Variants in SLC10A7 observed in about 807,000 individuals in gnomAD.
SLC10A7 encodes the protein sodium/bile acid cotransporter 7.
SLC10A7 carries 29 observed loss-of-function variants against 43.2 expected under a neutral mutation model. The ratio of observed to expected loss-of-function variants is 0.67; its 90% CI spans 0.50 to 0.92. The LOEUF (loss-of-function observed/expected upper bound fraction) is 0.92, where lower values mean the gene tolerates loss of function less well. SLC10A7 is among the 40% of genes least tolerant of loss of function. The pLI, the probability that SLC10A7 is intolerant of heterozygous loss-of-function variation, is 0.00. For missense variants in SLC10A7, 295 were observed against 403.2 expected, an observed-to-expected ratio of 0.73 and a Z score of 2.30; for synonymous variants, 152 against 144.8, an observed-to-expected ratio of 1.05 and a Z score of -0.35.
rs564683284 is a variant in SLC10A7, at chr4:146,263,431, A to G, written c.848-4594T>C. Among the ~76,000 whole-genome samples the G allele has an allele frequency of 4.6e-5, 7 of 152,342 alleles. 1 individual carries two copies. Among genetic ancestry groups the G allele is most frequent in the African/African-American group, 1.7e-4 (7 of 41,578 alleles). On this transcript the variant is annotated intron_variant, in intron 10 of 11. Coordinates refer to ENST00000335472, the MANE Select transcript of SLC10A7 (RefSeq NM_001029998.6). ...AACTTGTATTTTTCCAGATTCTGTC[A>G]TAAAGTTATTGTGCAGACTATCACT...
At position 146,362,671 on chromosome 4, in the gene SLC10A7, G is replaced by C. The variant is rs1329690356; in HGVS notation, c.436-36675C>G. Among the ~76,000 whole-genome samples, 5 of 145,960 alleles carry C rather than the reference G, an allele frequency of 3.4e-5. No homozygotes were observed. In the South Asian group the frequency reaches 1.2e-3, roughly 35 times the overall value. ...TAATAACTACAACAATTTGATAATAGACAATATAATAAGATATAGAGACAA... is the reference window on the plus strand; with the variant it reads ...TAATAACTACAACAATTTGATAATACACAATATAATAAGATATAGAGACAA... On this transcript the variant is annotated intron_variant, in intron 5 of 11. Transcript: ENST00000335472.
intron 10 of SLC10A7, among the ~76,000 whole-genome samples, chr4:146,260,922 A>G (rs2110987822): frequency 6.6e-6 from 1 of 152,142 alleles, no homozygotes; most frequent in East Asian, 1.9e-4. Context: ...GTGATTTCAA[A>G]TATGTCAAAA....
chr4:146,256,532 G>A lies in SLC10A7; in HGVS notation c.994-12C>T. 1 of 1,613,944 alleles carries A rather than the reference G, an allele frequency of 6.2e-7. No individual in the cohort carries two copies. Among genetic ancestry groups the A allele is most frequent in the Non-Finnish European group, 8.5e-7 (1 of 1,179,876 alleles). On this transcript the variant is annotated splice_polypyrimidine_tract_variant and intron_variant, in intron 11 of 11. Transcript: ENST00000335472. ...GTCAGCTTCACTCCCTACAAGGAAG[G>A]AAAACATGTTCAGAGTTGGACAGTA...
intron 5 of SLC10A7, among the ~76,000 whole-genome samples, chr4:146,335,881 T>C (rs1177476823): frequency 2.0e-5 from 3 of 152,052 alleles, no homozygotes; most frequent in African/African-American, 7.2e-5. Context: ...ATCTGCTAAA[T>C]ATCTTTTTGA....
chr4:146,444,724 C>T, intron 4 of SLC10A7, among the ~76,000 whole-genome samples: 1 of 152,150 alleles, frequency 6.6e-6, no homozygotes, highest in East Asian at 1.9e-4. Flanking sequence ...TGTTTGCCAA[C>T]AGTGGTGATG....
chr4:146,322,176 C>T (rs1180879878), intron 6 of SLC10A7, among the ~76,000 whole-genome samples: 2 of 151,852 alleles, frequency 1.3e-5, no homozygotes, highest in African/African-American at 4.8e-5. Context: ...AGCATGTTAC[C>T]GCACAGATAT....
intron 7 of SLC10A7, among the ~76,000 whole-genome samples, chr4:146,297,453 G>C (rs1219757239): frequency 6.6e-6 from 1 of 152,094 alleles, no homozygotes; most frequent in Non-Finnish European, 1.5e-5. Context: ...CACTGAGATA[G>C]ATATAAAGTA....
At chr4:146,438,207 G>A (rs927528943) in intron 5 of SLC10A7, among the ~76,000 whole-genome samples, 1 of 151,970 alleles carries the variant, frequency 6.6e-6, no homozygotes, top group African/African-American at 2.4e-5. Flanking sequence ...TTGGGTAAGG[G>A]AAGAAAAATA....
At chr4:146,419,563 C>T (rs945508503) in intron 5 of SLC10A7, among the ~76,000 whole-genome samples, 2 of 152,132 alleles carry the variant, frequency 1.3e-5, no homozygotes, top group Admixed American at 1.3e-4. Context: ...AGGCCAGGCA[C>T]AGTGGCTCAT....
intron 4 of SLC10A7, among the ~76,000 whole-genome samples, chr4:146,478,532 T>A (rs2149980605): frequency 6.6e-6 from 1 of 152,332 alleles, no homozygotes; most frequent in East Asian, 1.9e-4. Flanking sequence ...CAGAAAGTTG[T>A]GGGGAAAAAT....
chr4:146,438,864 T>C (rs1158501296), intron 5 of SLC10A7, among the ~76,000 whole-genome samples: 1 of 152,066 alleles, frequency 6.6e-6, no homozygotes, highest in Non-Finnish European at 1.5e-5. Context: ...GTATCTATTT[T>C]TTAAAAACTG....
intron 4 of SLC10A7, among the ~76,000 whole-genome samples, chr4:146,451,761 A>G (rs929774591): frequency 1.3e-5 from 2 of 152,128 alleles, no homozygotes; most frequent in Non-Finnish European, 2.9e-5. Flanking sequence ...AGATAAGACA[A>G]AAGAAAAGCT....
chr4:146,446,775 T>A (rs1460769880), intron 4 of SLC10A7, among the ~76,000 whole-genome samples: 1 of 151,884 alleles, frequency 6.6e-6, no homozygotes, highest in Non-Finnish European at 1.5e-5. Context: ...TATCTATCTA[T>A]CTATCTATCT....
intron 7 of SLC10A7, among the ~76,000 whole-genome samples, chr4:146,304,978 G>T (rs1731446600): frequency 6.6e-6 from 1 of 151,858 alleles, no homozygotes; most frequent in Non-Finnish European, 1.5e-5. Context: ...CTCTTGGTGG[G>T]ACTGTAAACT....
intron 5 of SLC10A7, among the ~76,000 whole-genome samples, chr4:146,425,925 T>C (rs1297067084): frequency 6.6e-6 from 1 of 152,134 alleles, no homozygotes; most frequent in African/African-American, 2.4e-5. Context: ...TCTAATCCCA[T>C]TCTCACCAAA....
intron 2 of SLC10A7, among the ~76,000 whole-genome samples, chr4:146,513,370 T>G (rs755759143): frequency 2.0e-5 from 3 of 152,122 alleles, no homozygotes; most frequent in Non-Finnish European, 4.4e-5. Context: ...ACATACTACA[T>G]TCACATACAA....
chr4:146,359,843 A>G (rs939003274), intron 5 of SLC10A7, among the ~76,000 whole-genome samples: 3 of 152,166 alleles, frequency 2.0e-5, no homozygotes, highest in African/African-American at 7.2e-5. Context: ...ATGTACTTCT[A>G]TTATAATTTG....
rs558520085 is a variant in SLC10A7 at position 146,474,065 on chromosome 4, A to C, written c.396+29784T>G. Among the ~76,000 whole-genome samples, 7 of 152,146 alleles carry C rather than the reference A, an allele frequency of 4.6e-5. No homozygotes were observed. In the South Asian group the frequency reaches 1.5e-3, roughly 32 times the overall value. On this transcript the variant is annotated intron_variant, in intron 4 of 11. Transcript: ENST00000335472. ...GCCAGAGAGGGTTTTATATAAAGTA[A>C]ATATCCTCCTTATGTTGAAGAAAGT...
At chr4:146,492,895 A>G (rs1735583719) in intron 4 of SLC10A7, among the ~76,000 whole-genome samples, 1 of 152,132 alleles carries the variant, frequency 6.6e-6, no homozygotes, top group Non-Finnish European at 1.5e-5. Flanking sequence ...CCTACATACA[A>G]TTGATTAAAA....
Sources: gnomAD v4.1 joint callset for allele counts (sites outside exome capture counted in the v4.1 genomes callset) on GRCh38, gnomAD v4.1.1 for gene constraint, MANE v1.5 for transcripts, NCBI Gene and HGNC (gene_info 2026-07-23, HGNC 2026-07-21) for gene names.